The following P3H2 variants were observed in gnomAD, a reference collection of about 807,000 sequenced individuals.
P3H2 encodes the protein prolyl 3-hydroxylase 2, also known as leprecan-like 1.
A neutral mutation model predicts 87.0 loss-of-function variants in P3H2; 80 were observed. That is an observed-to-expected ratio of 0.92 (90% CI 0.77 to 1.11). The LOEUF is 1.11. P3H2 is among the 50% of genes least tolerant of loss of function. P3H2 has a pLI of 0.00. For missense variants in P3H2, 1,001 were observed against 923.9 expected (o/e 1.08, Z -1.08); for synonymous variants, 367 against 359.3 (o/e 1.02, Z -0.24).
intron 13 of P3H2, chr3:189,969,166 T>G (rs759567082): frequency 1.5e-6 from 1 of 651,158 alleles, no homozygotes; most frequent in Non-Finnish European, 2.9e-6. Flanking sequence ...TAAGTCCCGG[T>G]CCACCAAAAC....
chr3:190,050,658 GAGGAATATT>G (rs1310728634), intron 1 of P3H2, among the ~76,000 whole-genome samples: 1 of 152,094 alleles, frequency 6.6e-6, no homozygotes, highest in East Asian at 1.9e-4. Context: ...TGAGTTTTTT[GAGGAATATT>G]AGGAAAACAC....
chr3:190,101,054 G>A (rs548262923), intron 1 of P3H2, among the ~76,000 whole-genome samples: 20 of 151,982 alleles, frequency 1.3e-4, no homozygotes, highest in African/African-American at 4.6e-4. Context: ...GCTGGTTCGG[G>A]CCCCACAAAC....
At chr3:190,106,082 A>G (rs1221429384) in intron 1 of P3H2, among the ~76,000 whole-genome samples, 1 of 152,190 alleles carries the variant, frequency 6.6e-6, no homozygotes, top group Non-Finnish European at 1.5e-5. Context: ...AATTCCCAAG[A>G]TGTGTCTGTG....
chr3:189,987,649 G>A lies in P3H2; in HGVS notation c.976C>T (p.Leu326=), dbSNP rs1464067466. ...AGAAGATAGGCTTTGGCACACTCCA[G>A]GGCTTTCACATACTCACCAACTGAA... ...YYRVGEYVKA[L]ECAKAYLLCH... is the part of the protein sequence containing the mutation. Residue 326 remains leucine (L), a synonymous_variant, in exon 5 of 15, where the codon CTG becomes TTG. Coordinates refer to ENST00000319332, the MANE Select transcript of P3H2 (RefSeq NM_018192.4). 1 of 1,614,038 alleles carries A rather than the reference G, an allele frequency of 6.2e-7. No homozygotes were observed. Among genetic ancestry groups the A allele is most frequent in the Non-Finnish European group, 8.5e-7 (1 of 1,179,926 alleles).
intron 1 of P3H2, among the ~76,000 whole-genome samples, chr3:190,083,696 T>C (rs1198030729): frequency 6.6e-6 from 1 of 152,224 alleles, no homozygotes; most frequent in Non-Finnish European, 1.5e-5. Flanking sequence ...ATTTAATCCA[T>C]TCTCAAATCA....
intron 1 of P3H2, among the ~76,000 whole-genome samples, chr3:190,046,867 C>A (rs1424874339): frequency 1.3e-5 from 2 of 151,754 alleles, no homozygotes; most frequent in East Asian, 3.9e-4. Context: ...GCTCAGGTAA[C>A]CAAAACAAAA....
intron 2 of P3H2, 37 bp from the exon 3 acceptor site, chr3:189,994,320 A>ACAAC (rs780816684): frequency 3.9e-5 from 59 of 1,508,228 alleles, no homozygotes; most frequent in Non-Finnish European, 5.0e-5. Flanking sequence ...AAACAAACAA[A>ACAAC]CAAACAAACA....
At chr3:189,966,083 G>GA in intron 13 of P3H2, among the ~76,000 whole-genome samples, 2 of 116,692 alleles carry the variant, frequency 1.7e-5, no homozygotes, top group African/African-American at 6.3e-5. Flanking sequence ...GGAAAGAAAG[G>GA]AAGAAAGAAA....
At chr3:189,973,045 A>G (rs1723226142) in intron 10 of P3H2, 21 bp from the exon 11 acceptor site, 4 of 1,607,826 alleles carry the variant, frequency 2.5e-6, no homozygotes, top group Non-Finnish European at 3.4e-6. Flanking sequence ...AAAACAAAAC[A>G]TGAGAAACAA....
chr3:190,048,672 T>C (rs904701813), intron 1 of P3H2, among the ~76,000 whole-genome samples: 3 of 152,138 alleles, frequency 2.0e-5, no homozygotes, highest in Admixed American at 6.5e-5. Flanking sequence ...AAAATTCTCC[T>C]GGAGAAGATG....
At chr3:189,977,327 C>T (rs1040962297) in intron 8 of P3H2, among the ~76,000 whole-genome samples, 7 of 152,148 alleles carry the variant, frequency 4.6e-5, no homozygotes, top group Admixed American at 2.0e-4. Flanking sequence ...ATGAAGCAAG[C>T]GGCTGTACTG....
At chr3:190,112,439 A>G (rs904040174) in intron 1 of P3H2, among the ~76,000 whole-genome samples, 3 of 152,194 alleles carry the variant, frequency 2.0e-5, no homozygotes, top group African/African-American at 7.2e-5. Context: ...CAAAAAGTAG[A>G]TATCTATGAC....
intron 1 of P3H2, among the ~76,000 whole-genome samples, chr3:190,050,625 A>G (rs1406191907): frequency 2.0e-5 from 3 of 152,092 alleles, no homozygotes. Flanking sequence ...CTATATCTGT[A>G]TGATCATTTG....
At chr3:189,961,519 C>T (rs1358959725) in intron 14 of P3H2, among the ~76,000 whole-genome samples, 1 of 151,620 alleles carries the variant, frequency 6.6e-6, no homozygotes. Context: ...TTCTGAGATT[C>T]AATCTGCAAA....
intron 1 of P3H2, among the ~76,000 whole-genome samples, chr3:190,114,096 A>G (rs1302861183): frequency 6.6e-6 from 1 of 150,848 alleles, no homozygotes; most frequent in Non-Finnish European, 1.5e-5. Context: ...AAAAAAAAAA[A>G]AATGGCCAGG....
chr3:189,962,325 C>T (rs193099626), intron 14 of P3H2, among the ~76,000 whole-genome samples: 338 of 152,130 alleles, frequency 2.2e-3, no homozygotes, highest in African/African-American at 7.9e-3. Flanking sequence ...CAGGTGCGTG[C>T]CACCACGCCA....
intron 1 of P3H2, among the ~76,000 whole-genome samples, chr3:190,024,951 GA>G: frequency 6.6e-6 from 1 of 151,554 alleles, no homozygotes; most frequent in East Asian, 1.9e-4. Context: ...ATACCCAGAG[GA>G]AAATCCAGTC....
chr3:189,969,806 C>T (rs1339697171), intron 13 of P3H2: 19 of 1,606,648 alleles, frequency 1.2e-5, no homozygotes, highest in Non-Finnish European at 1.6e-5. Context: ...ATCATCCAGG[C>T]CTGTTCCACC....
At position 190,120,685 on chromosome 3, in the gene P3H2, A is replaced by T; in HGVS notation, c.47T>A (p.Leu16Gln). 1 of 1,521,822 alleles carries T rather than the reference A, an allele frequency of 6.6e-7. No homozygotes were observed. 94.3% of individuals were successfully genotyped at this position (1,521,822 alleles called of 1,614,324 possible). A position where few individuals can be genotyped will look rare whatever the true frequency, so the allele number is the denominator to read the frequency against. Residue 16 changes from leucine to glutamine, a missense_variant, in exon 1 of 15, where the codon CTG becomes CAG. Leu to Gln is a moderately radical substitution (Grantham distance 113, BLOSUM62 -2). Coordinates refer to ENST00000319332, the MANE Select transcript of P3H2 (RefSeq NM_018192.4). ...GCCCCACAGTGGCGGCGGCAGTAGC[A>T]GCGGCAGCAGCAGCAGCAGCGGCGG... ...WAPPLLLLLPLLLPPPLWGGP... is the reference protein window; with the variant it reads ...WAPPLLLLLPQLLPPPLWGGP...
Sources: allele counts gnomAD v4.1 joint callset (sites outside exome capture counted in the v4.1 genomes callset), GRCh38; gene constraint gnomAD v4.1.1; transcripts MANE v1.5; gene names NCBI Gene and HGNC (gene_info 2026-07-23, HGNC 2026-07-21).